The following MACF1 variants were observed in gnomAD, a reference collection of about 807,000 sequenced individuals.
The protein encoded by MACF1 is microtubule-actin cross-linking factor 1.
A neutral mutation model predicts 854.8 loss-of-function variants in MACF1; 193 were observed. The observed-to-expected ratio is 0.23, with a 90% CI of 0.20 to 0.25. The LOEUF (loss-of-function observed/expected upper bound fraction) is 0.25, where lower values mean the gene tolerates loss of function less well. Among genes scored for constraint, MACF1 ranks in the 10% least tolerant of loss-of-function variants. MACF1 has a pLI of 1.00. For synonymous variants in MACF1, 3,185 were observed against 3,226.7 expected (o/e 0.99, Z 0.44); for missense variants, 7,722 against 8,929.1 (o/e 0.86, Z 5.45).
intron 36 of MACF1, among the ~76,000 whole-genome samples, chr1:39,330,667 A>T (rs117657714): frequency 6.6e-6 from 1 of 152,224 alleles, no homozygotes; most frequent in Admixed American, 6.5e-5. Flanking sequence ...CTTCTGACCT[A>T]TTAAACATTC....
At chr1:39,113,618 G>A (rs537946045) in intron 2 of MACF1, among the ~76,000 whole-genome samples, 4 of 152,282 alleles carry the variant, frequency 2.6e-5, no homozygotes, top group African/African-American at 9.6e-5. Flanking sequence ...TGGTCATACA[G>A]AAGAAAGCAA....
At chr1:39,389,345 T>TTG (rs1178763459) in intron 58 of MACF1, among the ~76,000 whole-genome samples, 60 of 145,160 alleles carry the variant, frequency 4.1e-4, no homozygotes, top group African/African-American at 1.2e-3. Flanking sequence ...TCTCTGGTTT[T>TTG]TGTGTGTTTT....
intron 99 of MACF1, 95 bp from the exon 100 acceptor site, chr1:39,484,505 AG>A: frequency 9.3e-7 from 1 of 1,073,146 alleles, no homozygotes; most frequent in South Asian, 1.6e-5. Flanking sequence ...TTTTCAACTA[AG>A]CAAATATAAG....
intron 58 of MACF1, among the ~76,000 whole-genome samples, chr1:39,390,317 A>T (rs1419420112): frequency 2.0e-5 from 3 of 152,210 alleles, no homozygotes; most frequent in Non-Finnish European, 2.9e-5. Context: ...ATGCAGAGGT[A>T]ATGTTGACAC....
intron 2 of MACF1, among the ~76,000 whole-genome samples, chr1:39,178,492 C>T (rs561272): frequency 0.093 from 14,120 of 152,140 alleles, 1,686 homozygotes; most frequent in African/African-American, 0.28. Context: ...CTCTTTTTCC[C>T]TCTCTGTAGT....
At position 39,332,486 on chromosome 1, in the gene MACF1, G is replaced by C; in HGVS notation, c.5898G>C (p.Gln1966His). The change falls in exon 37 of 101, where the codon CAG becomes CAC. Residue 1966 changes from glutamine to histidine, a missense_variant. Coordinates refer to ENST00000564288, the MANE Select transcript of MACF1 (RefSeq NM_001394062.1). Reference protein sequence around the residue: ...TASQSENLLFQLMTHSYINVQ... With the variant: ...TASQSENLLFHLMTHSYINVQ... ...GCCAGAGTGAGAATCTGTTGTTCCA[G>C]CTGATGACTCACAGCTATATTAATG... The C allele has an allele frequency of 6.2e-7, 1 of 1,614,048 alleles. No individual in the cohort carries two copies. The highest frequency in any genetic ancestry group is 8.5e-7 in the Non-Finnish European group (1 of 1,180,016).
At chr1:39,360,012 A>AAAATATATATAT (rs1557608845) in intron 47 of MACF1, among the ~76,000 whole-genome samples, 1 of 28,830 alleles carries the variant, frequency 3.5e-5, no homozygotes, top group Non-Finnish European at 6.4e-5. Flanking sequence ...AAAAAAAAAA[A>AAAATATATATAT]ATATATATAT....
chr1:39,442,213 A>T lies in MACF1; in HGVS notation c.18841A>T (p.Met6281Leu). 6.2e-7 allele frequency: 1 copy of T among 1,608,482 alleles called. No homozygotes were observed. Among genetic ancestry groups the T allele is most frequent in the South Asian group, 1.1e-5 (1 of 90,496 alleles). ...MEKLNHQGELMLKKATDETDR... is the reference protein window; with the variant it reads ...MEKLNHQGELLLKKATDETDR... The stretch of plus-strand genomic sequence containing the variant: ...GAAGCTTAATCACCAGGGTGAACTG[A>T]TGTTAAAGAAAGCTACTGATGAGAC... Residue 6281 changes from methionine (M) to leucine (L), a missense_variant, in exon 76 of 101, where the codon ATG becomes TTG. Met to Leu is a conservative substitution (Grantham distance 15). Coordinates refer to ENST00000564288, the MANE Select transcript of MACF1 (RefSeq NM_001394062.1).
At chr1:39,263,837 G>A (rs1481347034) in intron 6 of MACF1, among the ~76,000 whole-genome samples, 10 of 142,006 alleles carry the variant, frequency 7.0e-5, no homozygotes, top group Non-Finnish European at 1.3e-4. Context: ...GCAGTGGCGC[G>A]ATTTCAGCTC....
intron 4 of MACF1, among the ~76,000 whole-genome samples, chr1:39,253,329 C>T (rs533732417): frequency 6.6e-6 from 1 of 152,146 alleles, no homozygotes; most frequent in East Asian, 1.9e-4. Flanking sequence ...CCTACACTAT[C>T]AAAGTTTTGT....
intron 52 of MACF1, 42 bp downstream of exon 52, chr1:39,372,638 C>A (rs765997525): frequency 2.1e-6 from 3 of 1,410,514 alleles, no homozygotes; most frequent in Non-Finnish European, 3.0e-6. Flanking sequence ...AAAAATTGCT[C>A]TTTGCTTTTG....
At chr1:39,406,858 T>C (rs189771991) in intron 58 of MACF1, among the ~76,000 whole-genome samples, 2 of 152,226 alleles carry the variant, frequency 1.3e-5, no homozygotes, top group Admixed American at 6.5e-5. Context: ...CAGTCTGTTA[T>C]GATATCTGAA....
chr1:39,211,409 C>T (rs1644514329), intron 1 of MACF1, among the ~76,000 whole-genome samples: 1 of 152,028 alleles, frequency 6.6e-6, no homozygotes, highest in South Asian at 2.1e-4. Context: ...AGTAATTGTC[C>T]TTATTTTTTA....
chr1:39,241,429 G>A (rs919570800), intron 2 of MACF1, among the ~76,000 whole-genome samples: 1 of 152,080 alleles, frequency 6.6e-6, no homozygotes, highest in Non-Finnish European at 1.5e-5. Context: ...GGAGGCCAAG[G>A]TGGGTGAATC....
chr1:39,268,367 G>A (rs1205298934), intron 6 of MACF1: 45 of 790,768 alleles, frequency 5.7e-5, no homozygotes, highest in Non-Finnish European at 6.8e-5. Context: ...GTGTTACTGA[G>A]GGCAGTGCTC....
intron 49 of MACF1, among the ~76,000 whole-genome samples, chr1:39,367,165 A>G (rs543019051): frequency 3.3e-5 from 5 of 150,800 alleles, no homozygotes; most frequent in Non-Finnish European, 7.4e-5. Context: ...CAGCCTGATC[A>G]TGAACTCCTG....
At chr1:39,287,054 G>A (rs879944632) in intron 14 of MACF1, among the ~76,000 whole-genome samples, 8 of 151,438 alleles carry the variant, frequency 5.3e-5, no homozygotes, top group Non-Finnish European at 7.4e-5. Flanking sequence ...TCCGCCTCCT[G>A]AGTTCAAGCA....
rs1647691489 is a variant in MACF1 at position 39,357,449 on chromosome 1, T to C, written c.11499T>C (p.Asp3833=). ...LATQSAQAFL[D]QHGHNLTPEE... is the part of the protein sequence containing the mutation. Reference sequence around the variant, plus strand: ...CCCAGTCAGCTCAGGCCTTCTTGGATCAGCATGGCCACAATCTCACACCTG... The same window carrying C: ...CCCAGTCAGCTCAGGCCTTCTTGGACCAGCATGGCCACAATCTCACACCTG... The change falls in exon 45 of 101, where the codon GAT becomes GAC. Residue 3833 remains aspartate (D), a synonymous_variant. Coordinates refer to ENST00000564288, the MANE Select transcript of MACF1 (RefSeq NM_001394062.1). 2 of 1,614,016 alleles carry C rather than the reference T, an allele frequency of 1.2e-6. No individual in the cohort carries two copies. Among genetic ancestry groups the C allele is most frequent in the Non-Finnish European group, 1.7e-6 (2 of 1,180,034 alleles).
At chr1:39,255,064 A>T (rs1645082383) in intron 5 of MACF1, among the ~76,000 whole-genome samples, 1 of 152,042 alleles carries the variant, frequency 6.6e-6, no homozygotes, top group African/African-American at 2.4e-5. Flanking sequence ...TTCTTATTAT[A>T]GATAAAGAAA....
Sources: allele counts gnomAD v4.1 joint callset (sites outside exome capture counted in the v4.1 genomes callset), GRCh38; gene constraint gnomAD v4.1.1; transcripts MANE v1.5; gene names NCBI Gene and HGNC (gene_info 2026-07-23, HGNC 2026-07-21).